Variants in GPA33 observed in about 807,000 individuals in gnomAD.
GPA33 encodes the protein cell surface A33 antigen.
GPA33 carries 27 observed loss-of-function variants against 35.6 expected under a neutral mutation model. The ratio of observed to expected loss-of-function variants is 0.76; its 90% CI spans 0.56 to 1.04. The LOEUF is 1.04. Ranked by LOEUF, GPA33 falls within the 50% of genes least tolerant of loss-of-function variation. The pLI, the probability that GPA33 is intolerant of heterozygous loss-of-function variation, is 0.00. For synonymous variants in GPA33, 176 were observed against 164.0 expected (o/e 1.07, Z -0.56); for missense variants, 428 against 411.9 (o/e 1.04, Z -0.34).
chr1:167,058,789 T>G (rs984078350), intron 4 of GPA33, among the ~76,000 whole-genome samples: 1 of 152,204 alleles, frequency 6.6e-6, no homozygotes. Context: ...TTAAGTAATC[T>G]TTCTAAGGGC....
chr1:167,064,505 G>T (rs1389641662), intron 3 of GPA33, among the ~76,000 whole-genome samples: 1 of 152,106 alleles, frequency 6.6e-6, no homozygotes, highest in Admixed American at 6.5e-5. Flanking sequence ...ACTTCCCCTC[G>T]ACCTCAGTGT....
intron 4 of GPA33, 98 bp downstream of exon 4, chr1:167,063,484 G>T (rs948324864): frequency 1.9e-6 from 2 of 1,054,746 alleles, no homozygotes; most frequent in African/African-American, 3.2e-5. Flanking sequence ...GGCCTTCAGG[G>T]GGATCTGATC....
At chr1:167,061,688 C>T (rs555397236) in intron 4 of GPA33, among the ~76,000 whole-genome samples, 8 of 150,128 alleles carry the variant, frequency 5.3e-5, no homozygotes, top group Admixed American at 2.7e-4. Flanking sequence ...CTGCAAGCTC[C>T]GCCTCCCAGG....
chr1:167,085,959 C>T (rs929045609), intron 1 of GPA33, among the ~76,000 whole-genome samples: 1 of 152,198 alleles, frequency 6.6e-6, no homozygotes, highest in Non-Finnish European at 1.5e-5. Flanking sequence ...GACTGGGCAT[C>T]TGTATTTTCA....
intron 2 of GPA33, among the ~76,000 whole-genome samples, chr1:167,069,371 C>T (rs375050415): frequency 1.3e-5 from 2 of 152,150 alleles, no homozygotes; most frequent in Non-Finnish European, 2.9e-5. Flanking sequence ...TTAGGCAGTT[C>T]ATACCGCAGT....
chr1:167,056,599 G>GGTGTTT (rs1666266550), intron 4 of GPA33, among the ~76,000 whole-genome samples: 6 of 90 alleles, frequency 0.067, no homozygotes, highest in Non-Finnish European at 0.078. Flanking sequence ...ATGTGTGTAT[G>GGTGTTT]TGGTGTGTGT....
At chr1:167,062,452 C>T (rs544841545) in intron 4 of GPA33, among the ~76,000 whole-genome samples, 60 of 151,830 alleles carry the variant, frequency 4.0e-4, no homozygotes, top group Non-Finnish European at 5.9e-4. Flanking sequence ...AACTCCTAGC[C>T]TCAAGTGATC....
At chr1:167,063,784 T>G in intron 3 of GPA33, 47 bp from the exon 4 acceptor site, 1 of 1,545,570 alleles carries the variant, frequency 6.5e-7, no homozygotes, top group East Asian at 2.3e-5. Context: ...AGGTGGGGCT[T>G]GGTGACAGCC....
chr1:167,089,250 C>T (rs541754266), intron 1 of GPA33, among the ~76,000 whole-genome samples: 1 of 152,246 alleles, frequency 6.6e-6, no homozygotes, highest in South Asian at 2.1e-4. Flanking sequence ...GCTGTAGGCC[C>T]CGTGGCCCGG....
intron 1 of GPA33, 103 bp from the exon 2 acceptor site, chr1:167,073,642 G>C: frequency 3.0e-6 from 3 of 1,011,596 alleles, no homozygotes; most frequent in Non-Finnish European, 4.4e-6. Context: ...GGCTGTTCTT[G>C]CACCTCCAGC....
intron 1 of GPA33, among the ~76,000 whole-genome samples, chr1:167,086,257 A>C (rs1173846539): frequency 6.6e-6 from 1 of 152,234 alleles, no homozygotes; most frequent in Non-Finnish European, 1.5e-5. Flanking sequence ...AGCCAGGCTA[A>C]TTTAGGATTG....
At chr1:167,063,796 C>T (rs1666524296) in intron 3 of GPA33, 59 bp from the exon 4 acceptor site, 1 of 1,251,656 alleles carries the variant, frequency 8.0e-7, no homozygotes, top group Non-Finnish European at 1.1e-6. Flanking sequence ...GTGACAGCCA[C>T]CCACCCCTCC....
chr1:167,089,612 C>T (rs1667117566), intron 1 of GPA33, among the ~76,000 whole-genome samples: 1 of 152,164 alleles, frequency 6.6e-6, no homozygotes, highest in South Asian at 2.1e-4. Flanking sequence ...GATGTGGATT[C>T]AACCATATAC....
At chr1:167,071,472 T>C (rs1415533519) in intron 2 of GPA33, among the ~76,000 whole-genome samples, 1 of 152,224 alleles carries the variant, frequency 6.6e-6, no homozygotes, top group Non-Finnish European at 1.5e-5. Context: ...CTCTACAGCC[T>C]GTGCTGGGAT....
At chr1:167,057,918 G>A (rs186912054) in intron 4 of GPA33, among the ~76,000 whole-genome samples, 3 of 152,306 alleles carry the variant, frequency 2.0e-5, no homozygotes, top group Admixed American at 6.5e-5. Context: ...AAAATTTGTG[G>A]CCGGGTACAT....
At chr1:167,076,334 A>G (rs941540591) in intron 1 of GPA33, among the ~76,000 whole-genome samples, 1 of 152,070 alleles carries the variant, frequency 6.6e-6, no homozygotes, top group African/African-American at 2.4e-5. Flanking sequence ...CTGTAACAGG[A>G]TGTGGCTAAA....
chr1:167,080,761 C>A (rs1380391567), intron 1 of GPA33, among the ~76,000 whole-genome samples: 1 of 152,214 alleles, frequency 6.6e-6, no homozygotes, highest in Non-Finnish European at 1.5e-5. Flanking sequence ...GTTGTCATGT[C>A]TCTCTCCTCT....
chr1:167,090,353 T>C lies in GPA33; in HGVS notation c.-66A>G. On this transcript the variant is annotated 5_prime_UTR_variant, in exon 1 of 7. Coordinates refer to ENST00000367868, the MANE Select transcript of GPA33 (RefSeq NM_005814.3). ...GCAGCCTCCAGACAGGTCTGAGCTG[T>C]CTGGTTAAAGCTACAGCAGCTTCTG... 7.2e-7 allele frequency: 1 copy of C among 1,389,274 alleles called. No homozygotes were observed. The highest frequency in any genetic ancestry group is 1.0e-6 in the Non-Finnish European group (1 of 978,490). The allele number at this position is 1,389,274 out of a possible 1,614,324, so 86.1% of individuals were successfully genotyped here.
chr1:167,056,689 G>GTA (rs1417438857), intron 4 of GPA33, among the ~76,000 whole-genome samples: 34 of 118,514 alleles, frequency 2.9e-4, no homozygotes, highest in Admixed American at 4.9e-4. Flanking sequence ...TCTGGTGTGT[G>GTA]GTGGGTGTGT....
Sources: gnomAD v4.1 joint callset for allele counts (sites outside exome capture counted in the v4.1 genomes callset) on GRCh38, gnomAD v4.1.1 for gene constraint, MANE v1.5 for transcripts, NCBI Gene and HGNC (gene_info 2026-07-23, HGNC 2026-07-21) for gene names.